The following SYNE1 variants were observed in gnomAD, a reference collection of about 807,000 sequenced individuals.
SYNE1 encodes the protein spectrin repeat containing nuclear envelope protein 1.
Under a neutral mutation model 1,111.0 loss-of-function variants are expected in SYNE1, and 616 were observed. The ratio of observed to expected loss-of-function variants is 0.55; its 90% CI spans 0.52 to 0.59. The LOEUF (loss-of-function observed/expected upper bound fraction) is 0.59, where lower values mean the gene tolerates loss of function less well. Among genes scored for constraint, SYNE1 ranks in the 20% least tolerant of loss-of-function variants. SYNE1 has a pLI of 0.00. For synonymous variants in SYNE1, 3,855 were observed against 3,825.8 expected (o/e 1.01, Z -0.28); for missense variants, 10,006 against 10,417.0 (o/e 0.96, Z 1.72).
Position 152,330,225 on chromosome 6 carries a change from G to A in SYNE1, c.14460C>T (p.Ser4820=), listed in dbSNP as rs1478901438. 2.5e-6 allele frequency: 4 copies of A among 1,614,094 alleles called. No individual in the cohort carries two copies. The highest frequency in any genetic ancestry group is 2.2e-5 in the South Asian group (2 of 91,072). Residue 4820 remains serine (S), a synonymous_variant, in exon 78 of 146, where the codon TCC becomes TCT. Transcript: ENST00000367255. ...PAEEKLKMYH[S]LAGSLQDSGI... is the part of the protein sequence containing the mutation. ...CTGAGTCCTGGAGACTTCCTGCCAGGGAGTGATACATTTTGAGCTTCTCCT... is the reference window on the plus strand; with the variant it reads ...CTGAGTCCTGGAGACTTCCTGCCAGAGAGTGATACATTTTGAGCTTCTCCT...
intron 55 of SYNE1, among the ~76,000 whole-genome samples, chr6:152,382,896 G>T (rs1443020976): frequency 6.6e-6 from 1 of 152,104 alleles, no homozygotes; most frequent in Admixed American, 6.6e-5. Flanking sequence ...AATGGCTTTT[G>T]CATATATTTT....
chr6:152,458,717 T>C (rs1315186207), intron 22 of SYNE1, 40 bp downstream of exon 22: 1 of 1,605,928 alleles, frequency 6.2e-7, no homozygotes, highest in African/African-American at 1.3e-5. Flanking sequence ...TTGTTACACA[T>C]GCTTTAGAAT....
intron 140 of SYNE1, among the ~76,000 whole-genome samples, chr6:152,138,829 T>C (rs1322637641): frequency 1.3e-5 from 2 of 152,122 alleles, no homozygotes; most frequent in African/African-American, 4.8e-5. Flanking sequence ...AGCATTTTAG[T>C]GTCTGGGTTA....
chr6:152,211,448 T>A, intron 124 of SYNE1, 46 bp downstream of exon 124: 1 of 1,525,918 alleles, frequency 6.6e-7, no homozygotes, highest in Non-Finnish European at 9.1e-7. Context: ...AGAAAATGAC[T>A]AATTTACTGG....
rs1334136157 is a variant in SYNE1 at position 152,201,884 on chromosome 6, C to T, written c.23085G>A (p.Lys7695=). The T allele has an allele frequency of 6.2e-7, 1 of 1,613,926 alleles. No homozygotes were observed. The highest frequency in any genetic ancestry group is 1.7e-5 in the Admixed American group (1 of 60,014). The change falls in exon 127 of 146, where the codon AAG becomes AAA. Residue 7695 remains lysine, a synonymous_variant. Coordinates refer to ENST00000367255, the MANE Select transcript of SYNE1 (RefSeq NM_182961.4). ...GGTGATCCGGGAGAGACTGCGAAAG[C>T]TTCTTTTTGAAAGTTCGTAGTTTCT... ...SLEKLRTFKK[K]LSQSLPDHHE...
At chr6:152,469,721 G>A (rs567088767) in intron 16 of SYNE1, among the ~76,000 whole-genome samples, 21 of 152,012 alleles carry the variant, frequency 1.4e-4, no homozygotes, top group Non-Finnish European at 2.8e-4. Flanking sequence ...TTAAGCTCAA[G>A]GGCTTTTGAT....
intron 63 of SYNE1, among the ~76,000 whole-genome samples, chr6:152,363,513 A>C (rs1009599047): frequency 3.7e-4 from 13 of 35,190 alleles, no homozygotes; most frequent in African/African-American, 1.2e-3. Context: ...AAATAAATAA[A>C]TAAATAAATA....
chr6:152,520,434 C>A, intron 6 of SYNE1, 25 bp downstream of exon 6: 1 of 1,610,570 alleles, frequency 6.2e-7, no homozygotes. Flanking sequence ...CTTCCTTGGG[C>A]ATTTTGTTTT....
At chr6:152,414,271 T>C (rs1406925375) in intron 41 of SYNE1, among the ~76,000 whole-genome samples, 1 of 151,980 alleles carries the variant, frequency 6.6e-6, no homozygotes, top group Non-Finnish European at 1.5e-5. Flanking sequence ...TAGCTGGCTG[T>C]GGTGGTACAT....
At chr6:152,471,988 C>G (rs571765427) in intron 15 of SYNE1, 189 of 600,430 alleles carry the variant, frequency 3.1e-4, no homozygotes, top group Non-Finnish European at 5.4e-4. Flanking sequence ...GCCAACACAT[C>G]TCTCGTCTGT....
chr6:152,425,589 T>G (rs1223557602), intron 38 of SYNE1, 42 bp from the exon 39 acceptor site: 2 of 1,612,556 alleles, frequency 1.2e-6, no homozygotes, highest in Admixed American at 3.3e-5. Flanking sequence ...CTAACAGGAC[T>G]GAAAAGTAAG....
intron 3 of SYNE1, among the ~76,000 whole-genome samples, chr6:152,591,248 A>G (rs866918387): frequency 2.0e-5 from 3 of 152,158 alleles, no homozygotes; most frequent in Admixed American, 6.5e-5. Context: ...CACACTACCC[A>G]TCTTTAAACT....
chr6:152,207,131 G>A (rs1431626007), intron 125 of SYNE1, among the ~76,000 whole-genome samples: 1 of 152,126 alleles, frequency 6.6e-6, no homozygotes, highest in African/African-American at 2.4e-5. Flanking sequence ...GAGTTAGGGA[G>A]ATTAGATAAG....
rs137889044 is a variant in SYNE1 at position 152,416,927 on chromosome 6, T to A, written c.5510A>T (p.Glu1837Val). 1.5e-5 allele frequency: 24 copies of A among 1,614,024 alleles called. No individual in the cohort carries two copies. The highest frequency in any genetic ancestry group is 1.9e-5 in the Non-Finnish European group (23 of 1,180,024). ...CTTTCCCTGCAGGAGGTGGAGGTCC[T>A]CAGCACGGCCCAGAGAACCCAACTT... ...LAKLGSLGRAEDLHLLQGKAE... is the reference protein window; with the variant it reads ...LAKLGSLGRAVDLHLLQGKAE... Residue 1837 changes from glutamate (E) to valine (V), a missense_variant, in exon 41 of 146, where the codon GAG (glutamate) becomes GTG (valine). Physicochemically the swap from Glu to Val is moderately radical, Grantham distance 121 (BLOSUM62 -2). Transcript: ENST00000367255.
intron 98 of SYNE1, among the ~76,000 whole-genome samples, chr6:152,272,829 G>C (rs1465227621): frequency 6.6e-6 from 1 of 152,146 alleles, no homozygotes; most frequent in Non-Finnish European, 1.5e-5. Context: ...ATTGCTGAGG[G>C]CTGCATTTAA....
rs770394935 is a variant in SYNE1 at position 152,333,989 on chromosome 6, A to G, written c.12794+19T>C. ...GTCTGGCTTAGCATTTTGGTGACCCATGGGAGAATTTCTGTTACCTGGCCA... is the reference window on the plus strand; with the variant it reads ...GTCTGGCTTAGCATTTTGGTGACCCGTGGGAGAATTTCTGTTACCTGGCCA... On this transcript the variant is annotated intron_variant, in intron 77 of 145. Transcript: ENST00000367255. 31 of 1,614,046 alleles carry G rather than the reference A, an allele frequency of 1.9e-5. No homozygotes were observed. In the East Asian group the frequency reaches 6.5e-4, roughly 34 times the overall value.
chr6:152,237,069 T>C (rs1262320287), intron 108 of SYNE1, 121 bp from the exon 109 acceptor site: 5 of 1,372,170 alleles, frequency 3.6e-6, no homozygotes, highest in Non-Finnish European at 5.0e-6. Flanking sequence ...GATGTTTGCG[T>C]TGGGCCTTGC....
intron 126 of SYNE1, among the ~76,000 whole-genome samples, chr6:152,205,725 G>A (rs561936342): frequency 1.3e-5 from 2 of 152,160 alleles, no homozygotes; most frequent in South Asian, 2.1e-4. Context: ...ATGGCAACTT[G>A]CTTGGATCAG....
intron 127 of SYNE1, among the ~76,000 whole-genome samples, chr6:152,200,344 T>C (rs2075156248): frequency 6.6e-6 from 1 of 152,238 alleles, no homozygotes; most frequent in African/African-American, 2.4e-5. Context: ...AACACCAATA[T>C]AGTCACAGCC....
Sources: gnomAD v4.1 joint callset for allele counts (sites outside exome capture counted in the v4.1 genomes callset) on GRCh38, gnomAD v4.1.1 for gene constraint, MANE v1.5 for transcripts, NCBI Gene and HGNC (gene_info 2026-07-23, HGNC 2026-07-21) for gene names.